Variants in TP53I13 observed in about 807,000 individuals in gnomAD.
The protein encoded by TP53I13 is tumor protein p53 inducible protein 13.
In TP53I13, 27 loss-of-function variants were observed where a neutral mutation model predicts 39.1. That is an observed-to-expected ratio of 0.69 (90% CI 0.51 to 0.95). The LOEUF is 0.95. TP53I13 is among the 40% of genes least tolerant of loss of function. TP53I13 has a pLI of 0.00. For missense variants in TP53I13, 544 were observed against 520.4 expected, an observed-to-expected ratio of 1.05 and a Z score of -0.44; for synonymous variants, 230 against 224.6, an observed-to-expected ratio of 1.02 and a Z score of -0.22.
the TP53I13 span, chr17:29,578,272 G>T: frequency 1.9e-6 from 3 of 1,592,300 alleles, no homozygotes; most frequent in Non-Finnish European, 2.6e-6. Context: ...GGTCCTCCAC[G>T]CCAGACACTC....
chr17:29,577,106 TTCCCACACCC>T (rs763150920), downstream of TP53I13: 8 of 1,608,646 alleles, frequency 5.0e-6, no homozygotes, highest in Non-Finnish European at 6.8e-6. Context: ...CCCCGCCTGC[TTCCCACACCC>T]TCCCACACAA....
At chr17:29,575,147 G>C, downstream of TP53I13, 3 of 1,593,978 alleles carry the variant, frequency 1.9e-6, no homozygotes, top group Admixed American at 1.7e-5. This position sits in a 1 kb window ranked among gnomAD's most constrained non-coding sequence, Gnocchi z 5.5. Context: ...ACGAAGCTGC[G>C]GGGAGAAGGG....
chr17:29,566,940 C>A (rs1021673721), upstream of TP53I13: 11 of 1,426,468 alleles, frequency 7.7e-6, no homozygotes, highest in African/African-American at 1.5e-4. Context: ...CCAAGATGAG[C>A]GCGAGGGCGG....
chr17:29,581,505 G>C, the TP53I13 span: 2 of 821,066 alleles, frequency 2.4e-6, no homozygotes, highest in Non-Finnish European at 4.2e-6. This position sits in a 1 kb window ranked among gnomAD's most constrained non-coding sequence, Gnocchi z 4.8. Flanking sequence ...GGGAGGGCAG[G>C]CCACCCCCAA....
In TP53I13 at chr17:29,572,457, A is replaced by G. The variant is rs776395977; in HGVS notation, c.829A>G (p.Ser277Gly). ...TEAQVPNGQG[S>G]PGGCVCSSQA... ...GGCTCAGGTGCCCAACGGGCAAGGC[A>G]GCCCAGGGGGCTGTGTCTGTTCAAG... The change falls in exon 6 of 7, where the codon AGC (serine) becomes GGC (glycine). Residue 277 changes from serine to glycine, a missense_variant. Coordinates refer to ENST00000301057, the MANE Select transcript of TP53I13 (RefSeq NM_138349.4). 6.3e-7 allele frequency: 1 copy of G among 1,578,716 alleles called. No homozygotes were observed. The highest frequency in any genetic ancestry group is 8.6e-7 in the Non-Finnish European group (1 of 1,159,880).
chr17:29,577,792 G>T, downstream of TP53I13: 2 of 1,116,358 alleles, frequency 1.8e-6, no homozygotes, highest in South Asian at 1.2e-5. Context: ...AGGCCCCCAA[G>T]GTGGGGGTGG....
At chr17:29,577,172 G>A (rs202085570), downstream of TP53I13, 124 of 1,613,882 alleles carry the variant, frequency 7.7e-5, no homozygotes, top group Non-Finnish European at 9.7e-5. Context: ...TGCTGTCTCC[G>A]CTTGGCCTCA....
At position 29,569,043 on chromosome 17, in the gene TP53I13, C is replaced by T. The variant is rs779161578; in HGVS notation, c.98C>T (p.Ala33Val). Residue 33 changes from alanine to valine, a missense_variant, in exon 2 of 7, where the codon GCG (alanine) becomes GTG (valine). By Grantham distance (64) the Ala-to-Val change is moderately conservative. Coordinates refer to ENST00000301057, the MANE Select transcript of TP53I13 (RefSeq NM_138349.4). Reference protein sequence around the residue: ...SEVMAGPAEEAGAHCPESLWP... With the variant: ...SEVMAGPAEEVGAHCPESLWP... ...GTGATGGCTGGACCGGCGGAGGAGG[C>T]GGGAGCCCATTGTCCCGAGAGCCTG... 7 of 1,607,724 alleles carry T rather than the reference C, an allele frequency of 4.4e-6. No individual in the cohort carries two copies. In the Admixed American group the frequency reaches 5.1e-5, roughly 12 times the overall value.
At position 29,568,751 on chromosome 17, in the gene TP53I13, C is replaced by G. The variant is rs775771495; in HGVS notation, c.-8C>G. 4 of 1,569,096 alleles carry G rather than the reference C, an allele frequency of 2.5e-6. No homozygotes were observed. The highest frequency in any genetic ancestry group is 3.4e-6 in the Non-Finnish European group (4 of 1,167,058). On this transcript the variant is annotated 5_prime_UTR_variant, in exon 1 of 7. Transcript: ENST00000301057. This position sits in a 1 kb window ranked among gnomAD's most constrained non-coding sequence, Gnocchi z 4.5. ...CTGGGCGGCGGGCCGGGCCCGGGGC[C>G]GCTTGGAATGGCGCCTCCTCCGCCT...
At chr17:29,579,699 G>A in the TP53I13 span, among the ~76,000 whole-genome samples, 5 of 151,904 alleles carry the variant, frequency 3.3e-5, no homozygotes, top group Non-Finnish European at 7.4e-5. Flanking sequence ...CTCCAGCCTG[G>A]GCAACAGAGC....
Position 29,572,275 on chromosome 17 carries a change from C to T in TP53I13, c.647C>T (p.Thr216Ile), listed in dbSNP as rs760546567. ...RLRAALGPQP[T>I]RSALRFPSAS... Reference sequence around the variant, plus strand: ...CGGGCTGCCCTTGGTCCCCAGCCCACTCGCTCAGCCCTGAGGTTTCCCTCT... The same window carrying T: ...CGGGCTGCCCTTGGTCCCCAGCCCATTCGCTCAGCCCTGAGGTTTCCCTCT... Residue 216 changes from threonine (T) to isoleucine (I), a missense_variant, in exon 6 of 7, where the codon ACT (threonine) becomes ATT (isoleucine). Physicochemically the swap from Thr to Ile is moderately conservative, Grantham distance 89 (BLOSUM62 -1). Coordinates refer to ENST00000301057, the MANE Select transcript of TP53I13 (RefSeq NM_138349.4). 1 of 1,612,938 alleles carries T rather than the reference C, an allele frequency of 6.2e-7. No individual in the cohort carries two copies. The highest frequency in any genetic ancestry group is 8.5e-7 in the Non-Finnish European group (1 of 1,180,014).
the TP53I13 span, among the ~76,000 whole-genome samples, chr17:29,580,883 C>T: frequency 1.3e-5 from 2 of 151,916 alleles, no homozygotes; most frequent in Non-Finnish European, 1.5e-5. Flanking sequence ...TGTGTTCAAG[C>T]GATTCTCCTG....
At chr17:29,578,703 T>G in the TP53I13 span, 1 of 1,600,778 alleles carries the variant, frequency 6.2e-7, no homozygotes, top group East Asian at 2.2e-5. Context: ...CAGCTTCAAG[T>G]GTCAGGGCAC....
the TP53I13 span, chr17:29,578,229 T>A: frequency 7.9e-7 from 1 of 1,269,572 alleles, no homozygotes; most frequent in Non-Finnish European, 1.2e-6. Flanking sequence ...CTTAGCCCAG[T>A]AAAGGACCAG....
upstream of TP53I13, chr17:29,566,584 T>C: frequency 1.2e-6 from 2 of 1,609,002 alleles, no homozygotes; most frequent in Non-Finnish European, 8.5e-7. Flanking sequence ...GTCCGCCAAC[T>C]GCAGGTACTC....
chr17:29,577,342 T>A, downstream of TP53I13: 1 of 961,448 alleles, frequency 1.0e-6, no homozygotes, highest in Non-Finnish European at 1.6e-6. Flanking sequence ...CTCTGCCATT[T>A]AATTTAACCC....
chr17:29,582,155 CAG>C, the TP53I13 span: 1 of 1,541,734 alleles, frequency 6.5e-7, no homozygotes, highest in Admixed American at 1.9e-5. Context: ...CTAAGAGGAG[CAG>C]AGTGTGCAGT....
the TP53I13 span, chr17:29,578,323 C>T: frequency 5.0e-6 from 8 of 1,614,000 alleles, no homozygotes; most frequent in African/African-American, 1.1e-4. Flanking sequence ...CTTCGATCCA[C>T]CTCGTCATAC....
upstream of TP53I13, chr17:29,566,599 G>C: frequency 1.9e-6 from 3 of 1,608,984 alleles, no homozygotes; most frequent in Non-Finnish European, 2.5e-6. Flanking sequence ...GTACTCCCGG[G>C]CCAGCTCAGG....
Sources: gnomAD v4.1 joint callset for allele counts (sites outside exome capture counted in the v4.1 genomes callset) on GRCh38, gnomAD v4.1.1 for gene constraint, Gnocchi (gnomAD v3.1) non-coding constraint, MANE v1.5 for transcripts, NCBI Gene and HGNC (gene_info 2026-07-23, HGNC 2026-07-21) for gene names.